PRH1: variants seen among roughly 807,000 people sequenced by gnomAD.
PRH1 encodes salivary acidic proline-rich phosphoprotein 1/2.
PRH1 carries 7 observed loss-of-function variants against 7.9 expected under a neutral mutation model. The observed-to-expected ratio is 0.89, with a 90% CI of 0.50 to 1.67. The LOEUF (loss-of-function observed/expected upper bound fraction) is 1.67, where lower values mean the gene tolerates loss of function less well. Among genes scored for constraint, PRH1 ranks in the 40% most tolerant of loss-of-function variants. The pLI is 0.00. For synonymous variants in PRH1, 45 were observed against 80.8 expected, an observed-to-expected ratio of 0.56 and a Z score of 2.38; for missense variants, 109 against 223.6, an observed-to-expected ratio of 0.49 and a Z score of 3.27.
At chr12:11,039,408 CT>C (rs1942604948) in intron 1 of PRH1, among the ~76,000 whole-genome samples, 1 of 152,228 alleles carries the variant, frequency 6.6e-6, no homozygotes, top group Admixed American at 6.5e-5. Context: ...CAAATTAACT[CT>C]TGTTCAAACA....
At chr12:10,907,758 G>A (rs1434044883) in intron 2 of PRH1, among the ~76,000 whole-genome samples, 1 of 151,956 alleles carries the variant, frequency 6.6e-6, no homozygotes, top group Non-Finnish European at 1.5e-5. Context: ...TTTATTATAT[G>A]TAAATTATAC....
chr12:11,126,176 C>A (rs541381404), intron 1 of PRH1, among the ~76,000 whole-genome samples: 1 of 152,402 alleles, frequency 6.6e-6, no homozygotes, highest in Non-Finnish European at 1.5e-5. Context: ...TACCAGCAAT[C>A]CAGACACTCC....
At chr12:11,105,676 A>G (rs895419886) in intron 1 of PRH1, among the ~76,000 whole-genome samples, 7 of 152,118 alleles carry the variant, frequency 4.6e-5, no homozygotes, top group Admixed American at 2.6e-4. Flanking sequence ...ACCTCTCCAC[A>G]ATTTGTGTTC....
intron 2 of PRH1, among the ~76,000 whole-genome samples, chr12:10,902,255 T>C (rs946083732): frequency 1.3e-5 from 2 of 151,938 alleles, no homozygotes; most frequent in Non-Finnish European, 2.9e-5. Context: ...TCTCATAGAC[T>C]GGACCAAGCA....
At chr12:11,019,931 A>G (rs977531194) in intron 1 of PRH1, among the ~76,000 whole-genome samples, 2 of 152,294 alleles carry the variant, frequency 1.3e-5, no homozygotes, top group Admixed American at 6.5e-5. Flanking sequence ...CTGTGCAAAT[A>G]TACCAAAATC....
At chr12:11,080,167 C>A (rs1287436903) in intron 1 of PRH1, among the ~76,000 whole-genome samples, 8 of 124,754 alleles carry the variant, frequency 6.4e-5, no homozygotes, top group Middle Eastern at 7.5e-3. Context: ...ACTTTACCAA[C>A]AAGCTATGCA....
chr12:11,086,104 T>TCC (rs144220978), intron 1 of PRH1, among the ~76,000 whole-genome samples: 2,391 of 110,290 alleles, frequency 0.022, 172 homozygotes, highest in African/African-American at 0.073. Context: ...ATAAACACAT[T>TCC]CCCCCCCCCA....
At chr12:10,899,866 T>C (rs1949699906) in intron 2 of PRH1, among the ~76,000 whole-genome samples, 1 of 152,212 alleles carries the variant, frequency 6.6e-6, no homozygotes, top group Non-Finnish European at 1.5e-5. Context: ...AAGAAATTAC[T>C]GAATCAGGCA....
At chr12:11,121,190 G>A (rs1352626536) in intron 1 of PRH1, 1 of 126,368 alleles carries the variant, frequency 7.9e-6, no homozygotes, top group East Asian at 2.0e-4. Flanking sequence ...ACTACGTAGA[G>A]AAACAAAATA....
chr12:11,152,764 A>T (rs899815193), intron 1 of PRH1, among the ~76,000 whole-genome samples: 1 of 152,172 alleles, frequency 6.6e-6, no homozygotes, highest in African/African-American at 2.4e-5. Flanking sequence ...ATTGCTTTAG[A>T]ATATTAGCAG....
At chr12:11,022,387 A>G in intron 1 of PRH1, 1 of 1,593,172 alleles carries the variant, frequency 6.3e-7, no homozygotes, top group Non-Finnish European at 8.5e-7. Flanking sequence ...AAGGAATAAC[A>G]TGACCCAGAG....
Position 10,884,194 on chromosome 12 carries a change from C to A in PRH1, c.24G>T (p.Val8=). 1.2e-6 allele frequency: 2 copies of A among 1,614,196 alleles called. No individual in the cohort carries two copies. The highest frequency in any genetic ancestry group is 1.7e-6 in the Non-Finnish European group (2 of 1,180,022). The change falls in exon 1 of 4, where the codon GTG becomes GTT. Residue 8 remains valine (V), a synonymous_variant. Transcript: ENST00000543626. MLLILLS[V]ALLAFSSAQD... ...GAGCTGAGCTGAAGGCCAGCAGGGC[C>A]ACTGACAGCAGAATCAGAAGCATCT...
At chr12:10,997,713 T>C in intron 1 of PRH1, 1 of 1,613,910 alleles carries the variant, frequency 6.2e-7, no homozygotes, top group Non-Finnish European at 8.5e-7. Flanking sequence ...AAACCAACTC[T>C]GGAGACTGCC....
chr12:11,152,904 A>C (rs1417817865), intron 1 of PRH1, among the ~76,000 whole-genome samples: 1 of 152,186 alleles, frequency 6.6e-6, no homozygotes, highest in Non-Finnish European at 1.5e-5. Context: ...TGAGACTCAG[A>C]ATGAGACTGT....
chr12:10,922,780 G>C (rs1044813831), intron 2 of PRH1, among the ~76,000 whole-genome samples: 2 of 149,582 alleles, frequency 1.3e-5, no homozygotes, highest in Admixed American at 6.6e-5. Flanking sequence ...GCATTGTTAG[G>C]TATGTCCAAA....
intron 1 of PRH1, among the ~76,000 whole-genome samples, chr12:11,002,346 T>C (rs973182074): frequency 2.6e-5 from 4 of 152,230 alleles, no homozygotes; most frequent in African/African-American, 9.6e-5. Flanking sequence ...GTTTCTTATA[T>C]TATTCTCAGC....
chr12:11,161,902 G>C (rs1286536373), intron 1 of PRH1, among the ~76,000 whole-genome samples: 1 of 152,102 alleles, frequency 6.6e-6, no homozygotes, highest in Non-Finnish European at 1.5e-5. Flanking sequence ...CAACCATTTT[G>C]GAAATTTTTG....
chr12:11,157,823 G>A (rs375475907), intron 1 of PRH1, among the ~76,000 whole-genome samples: 3 of 152,178 alleles, frequency 2.0e-5, no homozygotes, highest in African/African-American at 7.2e-5. Flanking sequence ...GATGATAGTG[G>A]TGGTGGTGGT....
At chr12:11,070,187 C>T (rs181332818) in intron 1 of PRH1, among the ~76,000 whole-genome samples, 1 of 152,264 alleles carries the variant, frequency 6.6e-6, no homozygotes, top group Non-Finnish European at 1.5e-5. Context: ...TAAATAAAAA[C>T]GCTTAAAATT....
Sources: gnomAD v4.1 joint callset for allele counts (sites outside exome capture counted in the v4.1 genomes callset) on GRCh38, gnomAD v4.1.1 for gene constraint, MANE v1.5 for transcripts, NCBI Gene and HGNC (gene_info 2026-07-23, HGNC 2026-07-21) for gene names.